MS4A14: variants seen among roughly 807,000 people sequenced by gnomAD.
MS4A14 encodes membrane-spanning 4-domains subfamily A member 14.
In MS4A14, 18 loss-of-function variants were observed where a neutral mutation model predicts 16.7. That is an observed-to-expected ratio of 1.08 (90% CI 0.75 to 1.60). MS4A14 has a LOEUF of 1.60. Ranked by LOEUF, MS4A14 falls within the 40% of genes most tolerant of loss-of-function variation. The pLI is 0.00. For synonymous variants in MS4A14, 305 were observed against 289.4 expected (o/e 1.05, Z -0.55); for missense variants, 812 against 775.3 (o/e 1.05, Z -0.56).
chr11:60,407,803 T>C (rs1379837474), intron 4 of MS4A14, among the ~76,000 whole-genome samples: 2 of 142,954 alleles, frequency 1.4e-5, no homozygotes, highest in African/African-American at 5.1e-5. Flanking sequence ...GCCTAATTAA[T>C]TCTTAATACA....
At chr11:60,401,558 A>T (rs2085713561) in intron 3 of MS4A14, among the ~76,000 whole-genome samples, 1 of 152,214 alleles carries the variant, frequency 6.6e-6, no homozygotes, top group African/African-American at 2.4e-5. Flanking sequence ...TTTTCATCAC[A>T]GCCCTTCCAC....
chr11:60,417,541 T>C lies in MS4A14; in HGVS notation c.*533T>C. 1 of 152,162 alleles carries C rather than the reference T, an allele frequency of 6.6e-6. No individual in the cohort carries two copies. The highest frequency in any genetic ancestry group is 2.1e-4 in the South Asian group (1 of 4,826). 9.4% of individuals were successfully genotyped at this position (152,162 alleles called of 1,614,324 possible). On this transcript the variant is annotated 3_prime_UTR_variant, in exon 5 of 5. Transcript: ENST00000300187. ...CCCAATACCACACTGCCCCCATTAA[T>C]GGAATTAAATTGGGAAAAACAATAT...
chr11:60,396,741 C>T (rs746439894), intron 1 of MS4A14, 25 bp downstream of exon 1: 11 of 1,604,278 alleles, frequency 6.9e-6, no homozygotes, highest in Non-Finnish European at 9.4e-6. Flanking sequence ...GTCAATAGGT[C>T]TTCCAGAAGG....
At chr11:60,405,029 G>T (rs1254350106) in intron 4 of MS4A14, among the ~76,000 whole-genome samples, 1 of 151,722 alleles carries the variant, frequency 6.6e-6, no homozygotes, top group African/African-American at 2.4e-5. Flanking sequence ...GGGAAACCAA[G>T]ATTCAGAAAC....
At chr11:60,399,741 CT>C (rs2085682347) in intron 2 of MS4A14, among the ~76,000 whole-genome samples, 1 of 152,072 alleles carries the variant, frequency 6.6e-6, no homozygotes. Flanking sequence ...AGTGACAGGA[CT>C]TGGCAATCCA....
intron 4 of MS4A14, among the ~76,000 whole-genome samples, chr11:60,407,951 G>A (rs2085812022): frequency 6.6e-6 from 1 of 151,886 alleles, no homozygotes; most frequent in African/African-American, 2.4e-5. Flanking sequence ...CTGTTTAACA[G>A]GTTTTCCCTA....
At chr11:60,404,195 G>T (rs932204317) in intron 4 of MS4A14, among the ~76,000 whole-genome samples, 1 of 152,204 alleles carries the variant, frequency 6.6e-6, no homozygotes. Context: ...ATGAAATTCC[G>T]TATTTCCTGC....
At chr11:60,400,529 T>C in intron 3 of MS4A14, 75 bp downstream of exon 3, 1 of 1,055,152 alleles carries the variant, frequency 9.5e-7, no homozygotes, top group Non-Finnish European at 1.4e-6. Flanking sequence ...AAGCCTTTAG[T>C]AATAAAGTTA....
At chr11:60,396,876 C>A (rs2085632272) in intron 1 of MS4A14, among the ~76,000 whole-genome samples, 160 bp downstream of exon 1, 1 of 152,126 alleles carries the variant, frequency 6.6e-6, no homozygotes, top group South Asian at 2.1e-4. Flanking sequence ...ATCTTTGAAT[C>A]CCAGCAGAGG....
intron 4 of MS4A14, among the ~76,000 whole-genome samples, chr11:60,413,703 G>A (rs2085899266): frequency 6.6e-6 from 1 of 152,024 alleles, no homozygotes; most frequent in African/African-American, 2.4e-5. Flanking sequence ...AATGTGCAAA[G>A]TACAACAGGG....
In MS4A14 at chr11:60,397,992, C is replaced by A; in HGVS notation, c.267+12C>A. 2 of 1,611,664 alleles carry A rather than the reference C, an allele frequency of 1.2e-6. No homozygotes were observed. The highest frequency in any genetic ancestry group is 2.2e-5 in the South Asian group (2 of 90,914). ...GGGGAGCACTTATTGTGAGTACTGT[C>A]GATTAGAAGCTTTGGAGAAATTGCT... On this transcript the variant is annotated intron_variant, in intron 2 of 4. Coordinates refer to ENST00000300187, the MANE Select transcript of MS4A14 (RefSeq NM_032597.5).
At chr11:60,399,046 G>A (rs139862853) in intron 2 of MS4A14, among the ~76,000 whole-genome samples, 361 of 152,278 alleles carry the variant, frequency 2.4e-3, no homozygotes, top group South Asian at 0.018. Context: ...AGCACATACC[G>A]CGTCTTCAAT....
intron 4 of MS4A14, among the ~76,000 whole-genome samples, chr11:60,407,031 T>C (rs1262495224): frequency 2.6e-5 from 2 of 77,912 alleles, no homozygotes; most frequent in Admixed American, 3.0e-4. Context: ...TTTTTTTTTT[T>C]TGAGTCGAGA....
At position 60,396,714 on chromosome 11, in the gene MS4A14, G is replaced by A. The variant is rs138895874; in HGVS notation, c.136G>A (p.Gly46Arg). 4.6e-5 allele frequency: 75 copies of A among 1,613,336 alleles called. No individual in the cohort carries two copies. Among genetic ancestry groups the A allele is most frequent in the Middle Eastern group, 1.6e-4 (1 of 6,080 alleles). Residue 46 changes from glycine to arginine, a missense_variant and splice_region_variant, in exon 1 of 5, where the codon GGG (glycine) becomes AGG (arginine). Physicochemically the swap from Gly to Arg is moderately radical, Grantham distance 125 (BLOSUM62 -2). Coordinates refer to ENST00000300187, the MANE Select transcript of MS4A14 (RefSeq NM_032597.5). ...TCTGAAGGGAGAGCCAAGAGTCTTGGGGGTAAGTCCTCTCCAGTCAATAGG... is the reference window on the plus strand; with the variant it reads ...TCTGAAGGGAGAGCCAAGAGTCTTGAGGGTAAGTCCTCTCCAGTCAATAGG... ...DFLKGEPRVL[G>R]ATQILLALII...
chr11:60,398,139 C>T (rs746564373), intron 2 of MS4A14, 159 bp downstream of exon 2: 55 of 609,588 alleles, frequency 9.0e-5, no homozygotes, highest in Non-Finnish European at 1.3e-4. Context: ...TTGGTCACTG[C>T]ACTACCATCA....
At chr11:60,401,175 T>A (rs546315429) in intron 3 of MS4A14, among the ~76,000 whole-genome samples, 1 of 152,208 alleles carries the variant, frequency 6.6e-6, no homozygotes, top group Non-Finnish European at 1.5e-5. Context: ...AAAGGCAAGA[T>A]GATGCTTAAA....
chr11:60,408,397 A>C (rs1163276481), intron 4 of MS4A14, among the ~76,000 whole-genome samples: 2 of 152,134 alleles, frequency 1.3e-5, no homozygotes, highest in Non-Finnish European at 2.9e-5. Context: ...TCTCACCACT[A>C]TCTATGCCCC....
intron 4 of MS4A14, among the ~76,000 whole-genome samples, chr11:60,403,345 A>T (rs2085743037): frequency 6.6e-6 from 1 of 152,112 alleles, no homozygotes; most frequent in Middle Eastern, 3.2e-3. Context: ...TGCTTACCTC[A>T]TGGGTTGTTG....
chr11:60,417,737 G>C lies in MS4A14; in HGVS notation c.*729G>C, dbSNP rs2085967728. On this transcript the variant is annotated 3_prime_UTR_variant, in exon 5 of 5. Transcript: ENST00000300187. ...ATGTATGTGAAGAAATAATTCACAT[G>C]TATATTCCTTGTCATCAAAGTTAGT... 6.6e-6 allele frequency: 1 copy of C among 152,130 alleles called. No homozygotes were observed. Among genetic ancestry groups the C allele is most frequent in the African/African-American group, 2.4e-5 (1 of 41,448 alleles). 9.4% of individuals were successfully genotyped at this position (152,130 alleles called of 1,614,324 possible). A position where few individuals can be genotyped will look rare whatever the true frequency, so the allele number is the denominator to read the frequency against.
Sources: gnomAD v4.1 joint callset for allele counts (sites outside exome capture counted in the v4.1 genomes callset) on GRCh38, gnomAD v4.1.1 for gene constraint, MANE v1.5 for transcripts, NCBI Gene and HGNC (gene_info 2026-07-23, HGNC 2026-07-21) for gene names.